Variants in KIAA1328 observed in about 807,000 individuals in gnomAD.
The protein encoded by KIAA1328 is protein hinderin.
In KIAA1328, 52 loss-of-function variants were observed where a neutral mutation model predicts 68.1. The observed-to-expected ratio is 0.76, with a 90% confidence interval of 0.61 to 0.96. The LOEUF is 0.96. Among genes scored for constraint, KIAA1328 ranks in the 40% least tolerant of loss-of-function variants. The pLI, the probability that KIAA1328 is intolerant of heterozygous loss-of-function variation, is 0.00. For synonymous variants in KIAA1328, 232 were observed against 239.4 expected (o/e 0.97, Z 0.28); for missense variants, 641 against 677.6 (o/e 0.95, Z 0.60).
At chr18:37,209,286 G>A (rs560177928) in intron 9 of KIAA1328, among the ~76,000 whole-genome samples, 12 of 152,226 alleles carry the variant, frequency 7.9e-5, no homozygotes, top group South Asian at 4.2e-4. Flanking sequence ...GCCTTAAGCC[G>A]TAAGACCTGT....
At chr18:37,096,834 G>A (rs1392665625) in intron 7 of KIAA1328, among the ~76,000 whole-genome samples, 3 of 152,134 alleles carry the variant, frequency 2.0e-5, no homozygotes, top group African/African-American at 7.2e-5. Flanking sequence ...GTGATGATGA[G>A]CATTTTTTCA....
intron 7 of KIAA1328, among the ~76,000 whole-genome samples, chr18:37,116,678 A>C (rs1402529115): frequency 6.6e-6 from 1 of 152,194 alleles, no homozygotes; most frequent in Non-Finnish European, 1.5e-5. Context: ...AATTAAACTA[A>C]AGAGCTTCTG....
intron 9 of KIAA1328, among the ~76,000 whole-genome samples, chr18:37,195,391 A>G (rs555305769): frequency 6.6e-6 from 1 of 152,284 alleles, no homozygotes; most frequent in South Asian, 2.1e-4. Context: ...ATTTTTACCC[A>G]AACCCATGTC....
At chr18:36,952,391 C>A (rs892368558) in intron 5 of KIAA1328, among the ~76,000 whole-genome samples, 2 of 152,150 alleles carry the variant, frequency 1.3e-5, no homozygotes, top group African/African-American at 4.8e-5. Flanking sequence ...CTCTCCCTCT[C>A]TCTAAGCCTT....
intron 7 of KIAA1328, among the ~76,000 whole-genome samples, chr18:37,081,893 T>C (rs2056960585): frequency 6.6e-6 from 1 of 152,200 alleles, no homozygotes; most frequent in African/African-American, 2.4e-5. Flanking sequence ...TGGTTTCTTT[T>C]TCACATAACT....
chr18:37,172,525 G>T (rs1431964389), intron 8 of KIAA1328, among the ~76,000 whole-genome samples: 1 of 152,168 alleles, frequency 6.6e-6, no homozygotes, highest in East Asian at 1.9e-4. Context: ...TTTAGCCAAT[G>T]TTGAGTTCTC....
At chr18:37,155,893 T>C (rs1212339720) in intron 7 of KIAA1328, among the ~76,000 whole-genome samples, 8 of 152,234 alleles carry the variant, frequency 5.3e-5, no homozygotes, top group Non-Finnish European at 7.3e-5. Context: ...TTGCTAATAC[T>C]TTTTTATTTT....
Position 37,067,265 on chromosome 18 carries a change from A to G in KIAA1328, c.952A>G (p.Ser318Gly). Reference sequence around the variant, plus strand: ...ACTTGCTGCAGATCGTGTTCATGACAGCCATCCTACAAACATGACCCCTCA... The same window carrying G: ...ACTTGCTGCAGATCGTGTTCATGACGGCCATCCTACAAACATGACCCCTCA... ...HRLAADRVHD[S>G]HPTNMTPQHP... Residue 318 changes from serine to glycine, a missense_variant, in exon 7 of 10, where the codon AGC becomes GGC. Coordinates refer to ENST00000280020, the MANE Select transcript of KIAA1328 (RefSeq NM_020776.3). 6.2e-7 allele frequency: 1 copy of G among 1,614,006 alleles called. No individual in the cohort carries two copies. Among genetic ancestry groups the G allele is most frequent in the East Asian group, 2.2e-5 (1 of 44,886 alleles).
chr18:36,948,862 C>G (rs565055451), intron 5 of KIAA1328, among the ~76,000 whole-genome samples: 42 of 152,174 alleles, frequency 2.8e-4, no homozygotes, highest in Non-Finnish European at 4.7e-4. Flanking sequence ...TTTTAAAGAG[C>G]TTTCAGTCTG....
chr18:37,165,752 C>T (rs865941816), intron 8 of KIAA1328, among the ~76,000 whole-genome samples: 5 of 151,766 alleles, frequency 3.3e-5, no homozygotes, highest in Middle Eastern at 3.2e-3. Flanking sequence ...CCACCACGCC[C>T]GGCTAATTTT....
At chr18:36,994,075 T>C (rs2053295959) in intron 6 of KIAA1328, among the ~76,000 whole-genome samples, 1 of 152,124 alleles carries the variant, frequency 6.6e-6, no homozygotes, top group Admixed American at 6.5e-5. Flanking sequence ...AGGATAGACT[T>C]AGGAATATTT....
intron 6 of KIAA1328, among the ~76,000 whole-genome samples, chr18:37,052,928 T>C (rs2055757558): frequency 6.6e-6 from 1 of 152,094 alleles, no homozygotes; most frequent in Non-Finnish European, 1.5e-5. Context: ...CCAAATCGAT[T>C]TATAGATTCA....
In KIAA1328 at chr18:37,032,246, A is replaced by G. The variant is rs958244111; in HGVS notation, c.577-34644A>G. Among the ~76,000 whole-genome samples, 5 of 152,350 alleles carry G rather than the reference A, an allele frequency of 3.3e-5. No individual in the cohort carries two copies. The East Asian group carries it at 7.7e-4, about 23-fold the overall frequency. On this transcript the variant is annotated intron_variant, in intron 6 of 9. Transcript: ENST00000280020. ...TGTGTGATGTCTAATGTATAACTGC[A>G]TAAAAGAATGCTTCCATTTCCCACT...
chr18:37,215,148 C>T (rs1261007992), intron 9 of KIAA1328, among the ~76,000 whole-genome samples: 2 of 152,174 alleles, frequency 1.3e-5, no homozygotes. Context: ...TTATTTCTTT[C>T]TCTACCTGAT....
chr18:37,079,386 C>T (rs911442951), intron 7 of KIAA1328, among the ~76,000 whole-genome samples: 3 of 136,426 alleles, frequency 2.2e-5, no homozygotes, highest in African/African-American at 3.1e-5. Context: ...TGCTAAATGA[C>T]GAGTTAATGG....
rs1433235811 is a variant in KIAA1328, at chr18:37,112,880, G to A, written c.1232+45335G>A. Among the ~76,000 whole-genome samples, 3 of 152,300 alleles carry A rather than the reference G, an allele frequency of 2.0e-5. No homozygotes were observed. In the East Asian group the frequency reaches 5.8e-4, roughly 29 times the overall value. On this transcript the variant is annotated intron_variant, in intron 7 of 9. Coordinates refer to ENST00000280020, the MANE Select transcript of KIAA1328 (RefSeq NM_020776.3). ...GATGCATGCACAAGCTTCAGTAGCT[G>A]ATTCGATCAAGTGGAAGAAAGGGTG... is the stretch of plus-strand genomic sequence containing the variant.
At chr18:36,843,710 C>T (rs2150806151) in intron 3 of KIAA1328, among the ~76,000 whole-genome samples, 1 of 152,250 alleles carries the variant, frequency 6.6e-6, no homozygotes. Context: ...AAAGTGCTTA[C>T]AATATTCCTG....
intron 7 of KIAA1328, among the ~76,000 whole-genome samples, chr18:37,112,853 G>A (rs142573032): frequency 5.3e-4 from 80 of 152,246 alleles, no homozygotes; most frequent in African/African-American, 1.7e-3. Context: ...CAAACACTAC[G>A]TGATGCATGC....
intron 9 of KIAA1328, among the ~76,000 whole-genome samples, chr18:37,186,092 G>GTTT (rs1236914060): frequency 1.8e-5 from 2 of 113,452 alleles, no homozygotes; most frequent in Admixed American, 9.5e-5. Flanking sequence ...CTTCAAGGAT[G>GTTT]TCTTTTTTTT....
Sources: gnomAD v4.1 joint callset for allele counts (sites outside exome capture counted in the v4.1 genomes callset) on GRCh38, gnomAD v4.1.1 for gene constraint, MANE v1.5 for transcripts, NCBI Gene and HGNC (gene_info 2026-07-23, HGNC 2026-07-21) for gene names.